BRINP3: variants seen among roughly 807,000 people sequenced by gnomAD.
The protein encoded by BRINP3 is BMP/retinoic acid-inducible neural-specific protein 3.
BRINP3 carries 19 observed loss-of-function variants against 71.0 expected under a neutral mutation model. The ratio of observed to expected loss-of-function variants is 0.27; its 90% confidence interval spans 0.19 to 0.39. The LOEUF (loss-of-function observed/expected upper bound fraction) is 0.39. BRINP3 is among the 10% of genes least tolerant of loss of function. BRINP3 has a pLI of 1.00. For synonymous variants in BRINP3, 380 were observed against 337.7 expected (o/e 1.13, Z -1.37); for missense variants, 959 against 940.8 (o/e 1.02, Z -0.25).
chr1:190,194,630 C>T (rs1654321001), intron 6 of BRINP3, among the ~76,000 whole-genome samples: 1 of 151,904 alleles, frequency 6.6e-6, no homozygotes, highest in South Asian at 2.1e-4. Flanking sequence ...AGCAAGAAAC[C>T]TGATTTTTTT....
intron 7 of BRINP3, among the ~76,000 whole-genome samples, chr1:190,134,692 T>C (rs1386161624): frequency 1.3e-5 from 2 of 152,038 alleles, no homozygotes; most frequent in African/African-American, 2.4e-5. Flanking sequence ...CCAGAGCAAA[T>C]GGGTAAAAAT....
In BRINP3 at chr1:190,412,564, G is replaced by T. The variant is rs1390368210; in HGVS notation, c.236+42091C>A. 3.4e-5 allele frequency among the ~76,000 whole-genome samples: 5 copies of T among 146,584 alleles called. No individual in the cohort carries two copies. In the East Asian group the frequency reaches 1.0e-3, roughly 29 times the overall value. ...TGCAAGCTCCGCCTCCCGGGTTCACGCCATTCTCCTGCCTCAGCCTCCCAA... is the reference window on the plus strand; with the variant it reads ...TGCAAGCTCCGCCTCCCGGGTTCACTCCATTCTCCTGCCTCAGCCTCCCAA... On this transcript the variant is annotated intron_variant, in intron 2 of 7. Transcript: ENST00000367462.
chr1:190,197,709 T>C (rs976184135), intron 6 of BRINP3, among the ~76,000 whole-genome samples: 1 of 152,174 alleles, frequency 6.6e-6, no homozygotes, highest in African/African-American at 2.4e-5. Context: ...CTCTGTGGCT[T>C]TGCAGGGTAC....
chr1:190,279,689 C>T (rs1426865000), intron 3 of BRINP3, among the ~76,000 whole-genome samples: 2 of 151,800 alleles, frequency 1.3e-5, no homozygotes, highest in Non-Finnish European at 2.9e-5. Flanking sequence ...CCACAATGTG[C>T]TCAGGCATCC....
At chr1:190,367,374 G>A (rs1386770286) in intron 2 of BRINP3, among the ~76,000 whole-genome samples, 1 of 152,170 alleles carries the variant, frequency 6.6e-6, no homozygotes, top group Non-Finnish European at 1.5e-5. Context: ...CATGTCCCGA[G>A]GCTGCACAAA....
intron 6 of BRINP3, among the ~76,000 whole-genome samples, chr1:190,201,626 G>T (rs1022108406): frequency 6.6e-6 from 1 of 152,178 alleles, no homozygotes; most frequent in African/African-American, 2.4e-5. Context: ...GTGGTTCCAT[G>T]GGCTGGGCCC....
chr1:190,442,665 T>C (rs747467740), intron 2 of BRINP3, among the ~76,000 whole-genome samples: 3 of 152,066 alleles, frequency 2.0e-5, no homozygotes, highest in Non-Finnish European at 4.4e-5. Flanking sequence ...TGTGTGTGTG[T>C]GATTACGTGT....
intron 2 of BRINP3, among the ~76,000 whole-genome samples, chr1:190,345,946 A>G (rs1194731221): frequency 1.3e-5 from 2 of 151,964 alleles, no homozygotes; most frequent in African/African-American, 4.8e-5. Flanking sequence ...AAATAGTTTA[A>G]TTTTAAAATG....
chr1:190,197,077 G>T (rs1654550806), intron 6 of BRINP3, among the ~76,000 whole-genome samples: 1 of 151,870 alleles, frequency 6.6e-6, no homozygotes. Context: ...GTGAGGCTGG[G>T]GAGGCCTCAC....
intron 2 of BRINP3, among the ~76,000 whole-genome samples, chr1:190,372,283 T>G (rs575587425): frequency 6.6e-6 from 1 of 152,282 alleles, no homozygotes; most frequent in Non-Finnish European, 1.5e-5. Flanking sequence ...AGTGACCATT[T>G]CCATGGGTGG....
chr1:190,286,499 A>G (rs922163759), intron 2 of BRINP3, among the ~76,000 whole-genome samples: 1 of 152,062 alleles, frequency 6.6e-6, no homozygotes, highest in African/African-American at 2.4e-5. Context: ...CACTCTTCAT[A>G]TTAGAAATTT....
intron 6 of BRINP3, among the ~76,000 whole-genome samples, chr1:190,182,892 G>A (rs1449816314): frequency 6.6e-6 from 1 of 152,002 alleles, no homozygotes; most frequent in Non-Finnish European, 1.5e-5. Context: ...TCTTCCTTTG[G>A]CTGACTTTAA....
At chr1:190,271,090 G>T (rs1662072304) in intron 3 of BRINP3, among the ~76,000 whole-genome samples, 1 of 151,568 alleles carries the variant, frequency 6.6e-6, no homozygotes, top group Admixed American at 6.6e-5. Context: ...GTCTCCCTTT[G>T]TATGGTAGTG....
chr1:190,311,738 A>T (rs1665535610), intron 2 of BRINP3, among the ~76,000 whole-genome samples: 1 of 151,216 alleles, frequency 6.6e-6, no homozygotes, highest in Non-Finnish European at 1.5e-5. Context: ...AAATTGTATA[A>T]GAGTAAAATA....
chr1:190,253,607 G>A (rs1000658860), intron 4 of BRINP3, among the ~76,000 whole-genome samples: 1 of 151,840 alleles, frequency 6.6e-6, no homozygotes, highest in Admixed American at 6.6e-5. Context: ...CCTTGGCCGA[G>A]TTTTTGATGG....
chr1:190,221,689 G>T (rs1265974536), intron 6 of BRINP3, among the ~76,000 whole-genome samples: 1 of 152,022 alleles, frequency 6.6e-6, no homozygotes, highest in Non-Finnish European at 1.5e-5. Flanking sequence ...AATGTAGAAA[G>T]ATACACATAG....
chr1:190,275,922 T>A (rs1364089828), intron 3 of BRINP3, among the ~76,000 whole-genome samples: 1 of 151,332 alleles, frequency 6.6e-6, no homozygotes, highest in African/African-American at 2.4e-5. Flanking sequence ...ACTTCAGATA[T>A]TTTATTTTAT....
At chr1:190,262,747 C>T (rs1346846309) in intron 4 of BRINP3, among the ~76,000 whole-genome samples, 6 of 152,170 alleles carry the variant, frequency 3.9e-5, no homozygotes, top group African/African-American at 1.2e-4. Flanking sequence ...TGACACACTT[C>T]CTATAAGTGT....
chr1:190,298,159 C>T, intron 2 of BRINP3, among the ~76,000 whole-genome samples: 1 of 151,870 alleles, frequency 6.6e-6, no homozygotes. Context: ...TTAATTAATT[C>T]TTTATATCCA....
Sources: allele counts gnomAD v4.1 joint callset (sites outside exome capture counted in the v4.1 genomes callset), GRCh38; gene constraint gnomAD v4.1.1; transcripts MANE v1.5; gene names NCBI Gene and HGNC (gene_info 2026-07-23, HGNC 2026-07-21).